The following SPTBN1 variants were observed in gnomAD, a reference collection of about 807,000 sequenced individuals.
SPTBN1 encodes the protein spectrin beta, non-erythrocytic 1.
A neutral mutation model predicts 266.4 loss-of-function variants in SPTBN1; 32 were observed. That is an observed-to-expected ratio of 0.12 (90% CI 0.09 to 0.16). The LOEUF (loss-of-function observed/expected upper bound fraction) is 0.16, where lower values mean the gene tolerates loss of function less well. Among genes scored for constraint, SPTBN1 ranks in the 10% least tolerant of loss-of-function variants. SPTBN1 has a pLI of 1.00. For synonymous variants in SPTBN1, 1,336 were observed against 1,162.2 expected, an observed-to-expected ratio of 1.15 and a Z score of -3.04; for missense variants, 2,296 against 3,067.1, an observed-to-expected ratio of 0.75 and a Z score of 5.94.
At chr2:54,610,969 C>A (rs559711951) in intron 3 of SPTBN1, among the ~76,000 whole-genome samples, 1 of 152,184 alleles carries the variant, frequency 6.6e-6, no homozygotes. Context: ...AGGCACTCAA[C>A]AATACTTGAG....
chr2:54,659,077 TC>T, intron 30 of SPTBN1, 76 bp from the exon 31 acceptor site: 20 of 1,516,614 alleles, frequency 1.3e-5, no homozygotes, highest in Non-Finnish European at 1.8e-5. Context: ...CAGGAGGACT[TC>T]CTGGGTTCCT....
intron 18 of SPTBN1, among the ~76,000 whole-genome samples, chr2:54,640,601 G>A (rs565236756): frequency 6.6e-6 from 1 of 151,248 alleles, no homozygotes; most frequent in South Asian, 2.1e-4. Flanking sequence ...GCCCAGGCTG[G>A]AATACAGTGG....
chr2:54,568,349 CAAAAAAA>C (rs888478845), intron 2 of SPTBN1, among the ~76,000 whole-genome samples: 5 of 95,688 alleles, frequency 5.2e-5, no homozygotes, highest in African/African-American at 8.2e-5. Flanking sequence ...GACTCTGTCT[CAAAAAAA>C]AAAAAAAAAA....
At chr2:54,481,391 AGTGTGTGTGTGTGTGTGTGTGTGTGTGT>A (rs72077761) in intron 1 of SPTBN1, among the ~76,000 whole-genome samples, 2 of 117,338 alleles carry the variant, frequency 1.7e-5, no homozygotes, top group Non-Finnish European at 3.5e-5. Context: ...CAGAAACCTG[AGTGTGTGTGTGTGTGTGTGTGTGTGTGT>A]GTGTGTGTGT....
At chr2:54,506,662 T>C (rs184768361) in intron 1 of SPTBN1, among the ~76,000 whole-genome samples, 96 of 152,252 alleles carry the variant, frequency 6.3e-4, no homozygotes, top group African/African-American at 2.2e-3. Flanking sequence ...TAGGGATACA[T>C]TGATGAAAAA....
chr2:54,508,838 C>G (rs1669711848), intron 1 of SPTBN1, among the ~76,000 whole-genome samples: 1 of 152,172 alleles, frequency 6.6e-6, no homozygotes, highest in Non-Finnish European at 1.5e-5. Context: ...ATGACTCCGG[C>G]TTTCTTTGGA....
intron 2 of SPTBN1, among the ~76,000 whole-genome samples, chr2:54,536,225 G>T (rs927483538): frequency 1.3e-5 from 2 of 152,138 alleles, no homozygotes; most frequent in South Asian, 2.1e-4. Flanking sequence ...ATGATAAAAG[G>T]TATAAATTTA....
At position 54,628,722 on chromosome 2, in the gene SPTBN1, C is replaced by CA. The variant is rs970106934; in HGVS notation, c.1799-202dup. Among the ~76,000 whole-genome samples the CA allele has an allele frequency of 1.1e-4, 17 of 150,272 alleles. No individual in the cohort carries two copies. The South Asian group carries it at 1.5e-3, about 13-fold the overall frequency. ...ATGATCACTTTGTCTGCGGTTTGGC[C>CA]AAAAAAAAATAATGTTTATCATTGC... On this transcript the variant is annotated intron_variant, in intron 13 of 35. Coordinates refer to ENST00000356805, the MANE Select transcript of SPTBN1 (RefSeq NM_003128.3). This position sits in a 1 kb window ranked among gnomAD's most constrained non-coding sequence, Gnocchi z 4.3.
At chr2:54,467,311 C>A (rs1272716566) in intron 1 of SPTBN1, among the ~76,000 whole-genome samples, 1 of 152,030 alleles carries the variant, frequency 6.6e-6, no homozygotes, top group Non-Finnish European at 1.5e-5. Context: ...TTAGATTCTT[C>A]CTTAAAACAA....
In SPTBN1 at chr2:54,664,418, C is replaced by T. The variant is rs766144543; in HGVS notation, c.6421-35C>T. 2.3e-5 allele frequency: 36 copies of T among 1,592,106 alleles called. No individual in the cohort carries two copies. The highest frequency in any genetic ancestry group is 2.8e-5 in the Non-Finnish European group (33 of 1,163,796). On this transcript the variant is annotated intron_variant, in intron 32 of 35. Coordinates refer to ENST00000356805, the MANE Select transcript of SPTBN1 (RefSeq NM_003128.3). This position sits in a 1 kb window ranked among gnomAD's most constrained non-coding sequence, Gnocchi z 5.6. ...CGTATGTGGTCACCCCCATGGCTCACGGAGTTAGCTGAATGGCCTCTCCGC... is the reference window on the plus strand; with the variant it reads ...CGTATGTGGTCACCCCCATGGCTCATGGAGTTAGCTGAATGGCCTCTCCGC...
At chr2:54,599,058 G>A (rs780260327) in intron 2 of SPTBN1, 34 bp from the exon 3 acceptor site, 1 of 1,609,848 alleles carries the variant, frequency 6.2e-7, no homozygotes, top group Non-Finnish European at 8.5e-7. Flanking sequence ...CAGTTCTGTG[G>A]TCAATGGTAA....
intron 2 of SPTBN1, among the ~76,000 whole-genome samples, chr2:54,568,367 AAAAAAG>A (rs1303577857): frequency 4.6e-5 from 7 of 151,618 alleles, no homozygotes; most frequent in South Asian, 2.1e-4. Context: ...AAAAAAAAAA[AAAAAAG>A]AAGAAGAAGC....
Position 54,554,528 on chromosome 2 carries a change from A to G in SPTBN1, c.148+27962A>G, listed in dbSNP as rs1182673278. On this transcript the variant is annotated intron_variant, in intron 2 of 35. Transcript: ENST00000356805. The surrounding 1 kb of genome is among the most constrained non-coding windows in gnomAD (Gnocchi z 4.5). ...TTAGAAGTGGGACCTAAGCAGGGTG[A>G]ACCCAAATCACTAATACATTTAATA... Among the ~76,000 whole-genome samples, 1 of 152,236 alleles carries G rather than the reference A, an allele frequency of 6.6e-6. No individual in the cohort carries two copies. Among genetic ancestry groups the G allele is most frequent in the Non-Finnish European group, 1.5e-5 (1 of 68,038 alleles).
rs973841941 is a variant in SPTBN1, at chr2:54,533,713, G to C, written c.148+7147G>C. Among the ~76,000 whole-genome samples the C allele has an allele frequency of 5.9e-5, 9 of 152,036 alleles. No homozygotes were observed. The highest frequency in any genetic ancestry group is 1.3e-4 in the Non-Finnish European group (9 of 68,004). ...CTACAGGCACCCGCCACCACACCTG[G>C]CTAATTTTTGTATTTTTAGTAGAGA... On this transcript the variant is annotated intron_variant, in intron 2 of 35. Coordinates refer to ENST00000356805, the MANE Select transcript of SPTBN1 (RefSeq NM_003128.3). The surrounding 1 kb of genome is among the most constrained non-coding windows in gnomAD (Gnocchi z 4.2).
chr2:54,574,628 G>C (rs895920016), intron 2 of SPTBN1, among the ~76,000 whole-genome samples: 1 of 152,174 alleles, frequency 6.6e-6, no homozygotes, highest in African/African-American at 2.4e-5. Flanking sequence ...GAGTCACAGG[G>C]TGCAGGCCTG....
intron 2 of SPTBN1, among the ~76,000 whole-genome samples, chr2:54,576,345 C>G (rs538964784): frequency 1.3e-5 from 2 of 152,118 alleles, no homozygotes; most frequent in Non-Finnish European, 2.9e-5. Flanking sequence ...TGAGCCACCG[C>G]GCCCGGCCTT....
intron 2 of SPTBN1, chr2:54,529,218 G>A: frequency 2.8e-6 from 1 of 357,726 alleles, no homozygotes. Flanking sequence ...GAGTACTGAT[G>A]GTCATCCAGT....
chr2:54,664,325 G>T lies in SPTBN1; in HGVS notation c.6421-128G>T. ...CCAGCTGGCTTTGTGGGTGTGCAAT[G>T]GTTTTACTGTACTGCCTCGATCTGT... On this transcript the variant is annotated intron_variant, in intron 32 of 35. Transcript: ENST00000356805. The surrounding 1 kb of genome is among the most constrained non-coding windows in gnomAD (Gnocchi z 5.6). 1 of 944,624 alleles carries T rather than the reference G, an allele frequency of 1.1e-6. No homozygotes were observed. 58.5% of individuals were successfully genotyped at this position (944,624 alleles called of 1,614,324 possible). A position where few individuals can be genotyped will look rare whatever the true frequency, so the allele number is the denominator to read the frequency against.
chr2:54,627,065 C>T (rs1678387915), intron 12 of SPTBN1, among the ~76,000 whole-genome samples: 2 of 152,156 alleles, frequency 1.3e-5, no homozygotes, highest in East Asian at 3.9e-4. Context: ...TCTCAGCACG[C>T]TGTGTTCCCA....
Sources: allele counts gnomAD v4.1 joint callset (sites outside exome capture counted in the v4.1 genomes callset), GRCh38; gene constraint gnomAD v4.1.1; non-coding constraint Gnocchi (gnomAD v3.1); transcripts MANE v1.5; gene names NCBI Gene and HGNC (gene_info 2026-07-23, HGNC 2026-07-21).